The following FRMD4A variants were observed in gnomAD, a reference collection of about 807,000 sequenced individuals.
The protein encoded by FRMD4A is FERM domain-containing protein 4A.
In FRMD4A, 29 loss-of-function variants were observed where a neutral mutation model predicts 129.1. That is an observed-to-expected ratio of 0.22 (90% CI 0.17 to 0.31). The LOEUF is 0.31. Ranked by LOEUF, FRMD4A falls within the 10% of genes least tolerant of loss-of-function variation. The probability of loss-of-function intolerance (pLI) is 1.00; values close to 1 mark genes in which losing one functional copy is unlikely to be tolerated. For synonymous variants in FRMD4A, 634 were observed against 571.6 expected, an observed-to-expected ratio of 1.11 and a Z score of -1.56; for missense variants, 1,272 against 1,375.8, an observed-to-expected ratio of 0.92 and a Z score of 1.19.
At chr10:14,156,995 G>C (rs1340300458) in intron 2 of FRMD4A, among the ~76,000 whole-genome samples, 2 of 152,200 alleles carry the variant, frequency 1.3e-5, no homozygotes, top group Non-Finnish European at 2.9e-5. Flanking sequence ...TGTATTGCTG[G>C]TTCCCTTGTT....
chr10:14,103,479 C>CT (rs1837416470), intron 2 of FRMD4A, among the ~76,000 whole-genome samples: 1 of 152,128 alleles, frequency 6.6e-6, no homozygotes, highest in African/African-American at 2.4e-5. Context: ...TACCAGAGGC[C>CT]TGGGTCTCTG....
At chr10:13,864,345 A>C (rs2094336069) in intron 2 of FRMD4A, among the ~76,000 whole-genome samples, 1 of 150,844 alleles carries the variant, frequency 6.6e-6, no homozygotes, top group Non-Finnish European at 1.5e-5. Context: ...AGTCAAAAAA[A>C]AAAAAAAAAG....
At chr10:14,016,036 G>A (rs1234205822) in intron 2 of FRMD4A, among the ~76,000 whole-genome samples, 3 of 152,142 alleles carry the variant, frequency 2.0e-5, no homozygotes, top group Non-Finnish European at 4.4e-5. Flanking sequence ...TTGCTTATTG[G>A]AAGAGTTTTC....
chr10:13,700,473 A>G (rs2086701991), intron 14 of FRMD4A, among the ~76,000 whole-genome samples: 1 of 152,140 alleles, frequency 6.6e-6, no homozygotes, highest in Non-Finnish European at 1.5e-5. Context: ...AGTGCTAGAA[A>G]CCACTAGCCC....
chr10:13,684,248 C>T (rs556133812), intron 15 of FRMD4A: 30 of 826,574 alleles, frequency 3.6e-5, no homozygotes, highest in Admixed American at 3.1e-4. Flanking sequence ...ATCTGGCCAA[C>T]GAGGAAGACA....
rs1392665008 is a variant in FRMD4A, at chr10:14,216,444, G to T, written c.45+113614C>A. Among the ~76,000 whole-genome samples the T allele has an allele frequency of 7.2e-5, 11 of 152,246 alleles. No homozygotes were observed. The East Asian group carries it at 1.5e-3, about 21-fold the overall frequency. On this transcript the variant is annotated intron_variant, in intron 2 of 24. Transcript: ENST00000357447. The stretch of plus-strand genomic sequence containing the variant: ...TCAATTCTTTGGGAGTCTGAGGAGG[G>T]TGCATCACTTGAGCTCAGGAGTTCA...
intron 6 of FRMD4A, among the ~76,000 whole-genome samples, chr10:13,778,183 G>C (rs2130764348): frequency 6.6e-6 from 1 of 152,182 alleles, no homozygotes; most frequent in Non-Finnish European, 1.5e-5. Flanking sequence ...ACCTGGTGGA[G>C]ACTGCTCACC....
At chr10:14,013,071 G>T (rs374167940) in intron 2 of FRMD4A, among the ~76,000 whole-genome samples, 1 of 152,146 alleles carries the variant, frequency 6.6e-6, no homozygotes, top group Non-Finnish European at 1.5e-5. Flanking sequence ...AAGGGGCAAA[G>T]GATGGTGAGC....
chr10:13,724,397 A>G (rs1215661611), intron 12 of FRMD4A, among the ~76,000 whole-genome samples: 3 of 151,882 alleles, frequency 2.0e-5, no homozygotes, highest in South Asian at 2.1e-4. Context: ...CAAAAAAAAA[A>G]AGGAGATTTG....
intron 15 of FRMD4A, among the ~76,000 whole-genome samples, chr10:13,683,109 C>A (rs2084758442): frequency 6.6e-6 from 1 of 152,122 alleles, no homozygotes; most frequent in Non-Finnish European, 1.5e-5. Context: ...ACCTCCGCCT[C>A]CTGGGTTCAA....
At chr10:13,746,933 G>T (rs1204807182) in intron 9 of FRMD4A, among the ~76,000 whole-genome samples, 2 of 152,146 alleles carry the variant, frequency 1.3e-5, no homozygotes, top group African/African-American at 2.4e-5. Context: ...CGACAGATGA[G>T]CTATGGCATA....
chr10:14,264,884 C>G (rs986116202), intron 2 of FRMD4A, among the ~76,000 whole-genome samples: 1 of 152,118 alleles, frequency 6.6e-6, no homozygotes, highest in Non-Finnish European at 1.5e-5. Flanking sequence ...TGGGTTCCAG[C>G]GACTCTCCTG....
chr10:13,732,382 G>T (rs914035693), intron 12 of FRMD4A, among the ~76,000 whole-genome samples: 2 of 152,160 alleles, frequency 1.3e-5, no homozygotes, highest in African/African-American at 4.8e-5. Context: ...TTCTCAAGGC[G>T]GCTGCTGAGC....
chr10:13,970,373 C>A (rs763437202), intron 2 of FRMD4A, among the ~76,000 whole-genome samples: 1 of 152,254 alleles, frequency 6.6e-6, no homozygotes, highest in South Asian at 2.1e-4. Flanking sequence ...AACCCGACAC[C>A]CTTGGGCACA....
At position 13,700,931 on chromosome 10, in the gene FRMD4A, A is replaced by C. The variant is rs147265268; in HGVS notation, c.975+409T>G. On this transcript the variant is annotated intron_variant, in intron 14 of 24. Transcript: ENST00000357447. ...GGTTTTCACAGCAATTACCCTAAAC[A>C]GTTAGGTGGTGTCTATTCGTTGAGA... Among the ~76,000 whole-genome samples, 380 of 147,360 alleles carry C rather than the reference A, an allele frequency of 2.6e-3. 1 individual carries two copies. Among genetic ancestry groups the C allele is most frequent in the African/African-American group, 8.9e-3 (355 of 39,906 alleles).
chr10:14,164,099 C>A (rs78178073), intron 2 of FRMD4A, among the ~76,000 whole-genome samples: 1 of 152,140 alleles, frequency 6.6e-6, no homozygotes, highest in African/African-American at 2.4e-5. Context: ...TTTGTTGGCA[C>A]GTGATGGAAA....
chr10:14,170,341 T>C (rs1473951047), intron 2 of FRMD4A, among the ~76,000 whole-genome samples: 1 of 152,232 alleles, frequency 6.6e-6, no homozygotes, highest in African/African-American at 2.4e-5. Context: ...TAATTTCAAA[T>C]GCTCCTTCTT....
intron 2 of FRMD4A, among the ~76,000 whole-genome samples, chr10:14,142,958 C>A (rs762593091): frequency 2.0e-5 from 3 of 150,142 alleles, no homozygotes; most frequent in Non-Finnish European, 3.0e-5. Flanking sequence ...TGCCACCTCA[C>A]CTCATTAGGA....
At chr10:13,655,731 A>T (rs544810465) in intron 22 of FRMD4A, 5 of 152,208 alleles carry the variant, frequency 3.3e-5, no homozygotes. Flanking sequence ...TTCCTGACTC[A>T]GAGTTCCTCC....
Sources: allele counts gnomAD v4.1 joint callset (sites outside exome capture counted in the v4.1 genomes callset), GRCh38; gene constraint gnomAD v4.1.1; transcripts MANE v1.5; gene names NCBI Gene and HGNC (gene_info 2026-07-23, HGNC 2026-07-21).